HEMK2: variants seen among roughly 807,000 people sequenced by gnomAD.
HEMK2 encodes methyltransferase HEMK2.
chr21:28,871,126 C>T, the HEMK2 span, among the ~76,000 whole-genome samples: 1 of 152,136 alleles, frequency 6.6e-6, no homozygotes, highest in South Asian at 2.1e-4. Flanking sequence ...AAGCAATTTT[C>T]CTGGACACAA....
chr21:28,860,357 C>T, the HEMK2 span, among the ~76,000 whole-genome samples: 1 of 152,028 alleles, frequency 6.6e-6, no homozygotes, highest in East Asian at 1.9e-4. Context: ...TTTTGGAACT[C>T]AGACTTGGCT....
At chr21:28,695,860 C>CT in the HEMK2 span, among the ~76,000 whole-genome samples, 1 of 152,122 alleles carries the variant, frequency 6.6e-6, no homozygotes, top group Non-Finnish European at 1.5e-5. Context: ...CAAGTCTCTT[C>CT]CACCTATGAG....
the HEMK2 span, among the ~76,000 whole-genome samples, chr21:28,713,058 T>C: frequency 6.6e-6 from 1 of 152,154 alleles, no homozygotes; most frequent in African/African-American, 2.4e-5. Context: ...CTCTGCAAAG[T>C]CAGTACTTTT....
At chr21:28,810,436 C>G in the HEMK2 span, among the ~76,000 whole-genome samples, 2 of 152,186 alleles carry the variant, frequency 1.3e-5, no homozygotes, top group African/African-American at 4.8e-5. Context: ...ACCAGAGGGG[C>G]TGACTCTCAG....
the HEMK2 span, among the ~76,000 whole-genome samples, chr21:28,818,307 T>A: frequency 6.6e-6 from 1 of 152,200 alleles, no homozygotes; most frequent in African/African-American, 2.4e-5. Context: ...GACCACAGAC[T>A]GAAGGCTGCA....
the HEMK2 span, among the ~76,000 whole-genome samples, chr21:28,678,768 C>T: frequency 6.6e-6 from 1 of 152,164 alleles, no homozygotes; most frequent in Non-Finnish European, 1.5e-5. Context: ...GAATTTTCAA[C>T]CCAGAATTTC....
the HEMK2 span, among the ~76,000 whole-genome samples, chr21:28,737,218 G>A: frequency 6.6e-6 from 1 of 152,184 alleles, no homozygotes; most frequent in Non-Finnish European, 1.5e-5. Context: ...TCTGCTTCCA[G>A]AGTTTAAGCG....
chr21:28,881,920 G>C, the HEMK2 span, among the ~76,000 whole-genome samples: 1 of 152,206 alleles, frequency 6.6e-6, no homozygotes, highest in African/African-American at 2.4e-5. Flanking sequence ...TTAAAGGCGT[G>C]AGCCTTTGTA....
the HEMK2 span, among the ~76,000 whole-genome samples, chr21:28,827,074 A>C: frequency 1.1e-4 from 17 of 152,134 alleles, no homozygotes; most frequent in Non-Finnish European, 2.1e-4. Context: ...CCATCCATTC[A>C]ATCTTTCATT....
At chr21:28,805,219 T>A in the HEMK2 span, among the ~76,000 whole-genome samples, 1 of 152,172 alleles carries the variant, frequency 6.6e-6, no homozygotes, top group South Asian at 2.1e-4. Flanking sequence ...CCATGCCAAA[T>A]CCCAGTAAAA....
chr21:28,714,136 T>A, the HEMK2 span, among the ~76,000 whole-genome samples: 1 of 152,362 alleles, frequency 6.6e-6, no homozygotes, highest in South Asian at 2.1e-4. Context: ...TGTATGTCAT[T>A]GCCTTGATGC....
chr21:28,690,713 T>C, the HEMK2 span, among the ~76,000 whole-genome samples: 1 of 152,146 alleles, frequency 6.6e-6, no homozygotes, highest in Admixed American at 6.5e-5. Context: ...CAAAGTAATT[T>C]CTTTCTTGCA....
At chr21:28,748,829 T>A in the HEMK2 span, among the ~76,000 whole-genome samples, 1 of 152,236 alleles carries the variant, frequency 6.6e-6, no homozygotes, top group Non-Finnish European at 1.5e-5. Context: ...CATTTTCTAG[T>A]TTGCTTTCTC....
the HEMK2 span, among the ~76,000 whole-genome samples, chr21:28,608,850 A>G: frequency 6.6e-6 from 1 of 152,050 alleles, no homozygotes; most frequent in African/African-American, 2.4e-5. Context: ...CCCGGGAAAC[A>G]TAATTCCATT....
the HEMK2 span, among the ~76,000 whole-genome samples, chr21:28,666,891 A>AT: frequency 1.3e-5 from 2 of 152,186 alleles, no homozygotes; most frequent in Non-Finnish European, 2.9e-5. Flanking sequence ...TTATGGGAAC[A>AT]AATAGAAAAA....
the HEMK2 span, among the ~76,000 whole-genome samples, chr21:28,863,442 AT>A: frequency 1.2e-5 from 1 of 86,192 alleles, no homozygotes; most frequent in Non-Finnish European, 2.3e-5. Context: ...ATATATATAT[AT>A]ATATATATAT....
At chr21:28,807,486 C>T in the HEMK2 span, among the ~76,000 whole-genome samples, 5 of 152,160 alleles carry the variant, frequency 3.3e-5, no homozygotes, top group Non-Finnish European at 5.9e-5. Flanking sequence ...AGCTGAACTG[C>T]AATGCAGTCA....
At chr21:28,759,787 A>G in the HEMK2 span, among the ~76,000 whole-genome samples, 561 of 152,242 alleles carry the variant, frequency 3.7e-3, 3 homozygotes, top group Non-Finnish European at 6.2e-3. Flanking sequence ...CTTGTCTGCC[A>G]CCATGTAGGA....
the HEMK2 span, among the ~76,000 whole-genome samples, chr21:28,680,170 G>T: frequency 6.6e-6 from 1 of 151,984 alleles, no homozygotes; most frequent in African/African-American, 2.4e-5. Context: ...TAATAAAGAA[G>T]AAAAGAGAGA....
Sources: allele counts gnomAD v4.1 joint callset (sites outside exome capture counted in the v4.1 genomes callset), GRCh38; gene constraint gnomAD v4.1.1; transcripts MANE v1.5; gene names NCBI Gene and HGNC (gene_info 2026-07-23, HGNC 2026-07-21).